The following CFAP77 variants were observed in gnomAD, a reference collection of about 807,000 sequenced individuals.
CFAP77 encodes cilia- and flagella-associated protein 77.
In CFAP77, 25 loss-of-function variants were observed where a neutral mutation model predicts 31.1. That is an observed-to-expected ratio of 0.80 (90% CI 0.59 to 1.12). CFAP77 has a LOEUF of 1.12. CFAP77 is among the 50% of genes most tolerant of loss of function. CFAP77 has a pLI of 0.00. For synonymous variants in CFAP77, 151 were observed against 159.9 expected, an observed-to-expected ratio of 0.94 and a Z score of 0.42; for missense variants, 377 against 397.3, an observed-to-expected ratio of 0.95 and a Z score of 0.44.
rs185619788 is a variant in CFAP77 at position 132,557,316 on chromosome 9, G to A, written c.732+14269G>A. On this transcript the variant is annotated intron_variant, in intron 5 of 5. Coordinates refer to ENST00000393216, the MANE Select transcript of CFAP77 (RefSeq NM_001282957.2). ...GGCAAGATGCAAGTCCAAGGTGATGGATGCTTCCACGGCTTCCCGGCCTCC... is the reference window on the plus strand; with the variant it reads ...GGCAAGATGCAAGTCCAAGGTGATGAATGCTTCCACGGCTTCCCGGCCTCC... 3.3e-5 allele frequency among the ~76,000 whole-genome samples: 5 copies of A among 152,312 alleles called. No individual in the cohort carries two copies. The East Asian group carries it at 7.7e-4, about 24-fold the overall frequency.
At chr9:132,434,515 A>G (rs1850469774) in intron 1 of CFAP77, among the ~76,000 whole-genome samples, 1 of 152,178 alleles carries the variant, frequency 6.6e-6, no homozygotes, top group Non-Finnish European at 1.5e-5. Flanking sequence ...ATCTAGATGT[A>G]TTTTCGATCC....
chr9:132,471,419 C>T (rs1284390347), intron 1 of CFAP77, among the ~76,000 whole-genome samples: 1 of 152,154 alleles, frequency 6.6e-6, no homozygotes, highest in Non-Finnish European at 1.5e-5. Flanking sequence ...TGGGGTCCAT[C>T]CACTTCTTCC....
At position 132,420,889 on chromosome 9, in the gene CFAP77, C is replaced by T. The variant is rs144134674; in HGVS notation, c.195+10423C>T. ...AAAATCAACAGCAAAGTGGTACAGA[C>T]GTGGCCACAGCCATCTGGATGGGAT... On this transcript the variant is annotated intron_variant, in intron 1 of 5. Transcript: ENST00000393216. 4.5e-3 allele frequency among the ~76,000 whole-genome samples: 689 copies of T among 152,022 alleles called. 8 individuals carry two copies. Among genetic ancestry groups the T allele is most frequent in the African/African-American group, 0.016 (659 of 41,468 alleles).
chr9:132,532,712 A>G (rs1852475003), intron 3 of CFAP77, among the ~76,000 whole-genome samples: 1 of 152,042 alleles, frequency 6.6e-6, no homozygotes, highest in Non-Finnish European at 1.5e-5. Flanking sequence ...GTCACAGGGT[A>G]AGTTCTGAGG....
chr9:132,461,438 A>G (rs752487290), intron 1 of CFAP77, among the ~76,000 whole-genome samples: 2 of 152,216 alleles, frequency 1.3e-5, no homozygotes, highest in Non-Finnish European at 2.9e-5. Context: ...CATCTGCTTC[A>G]GCGGCCTTCC....
intron 5 of CFAP77, among the ~76,000 whole-genome samples, chr9:132,557,914 G>C (rs565574616): frequency 2.0e-5 from 3 of 152,264 alleles, no homozygotes; most frequent in African/African-American, 7.2e-5. Flanking sequence ...GAGTTTATAA[G>C]CATCACTGAT....
In CFAP77 at chr9:132,481,010, G is replaced by C. The variant is rs186774217; in HGVS notation, c.196-17685G>C. ...ACAGCAGGCTGAGATCTGTTAGCTC[G>C]AAAGCACACTAGCACCAAACAAAAT... On this transcript the variant is annotated intron_variant, in intron 1 of 5. Coordinates refer to ENST00000393216, the MANE Select transcript of CFAP77 (RefSeq NM_001282957.2). The surrounding 1 kb of genome is among the most constrained non-coding windows in gnomAD (Gnocchi z 5.0). Among the ~76,000 whole-genome samples, 7 of 151,838 alleles carry C rather than the reference G, an allele frequency of 4.6e-5. No homozygotes were observed. The highest frequency in any genetic ancestry group is 8.8e-5 in the Non-Finnish European group (6 of 68,038).
intron 1 of CFAP77, among the ~76,000 whole-genome samples, chr9:132,478,088 C>T (rs1030727361): frequency 3.3e-5 from 5 of 152,108 alleles, no homozygotes; most frequent in Non-Finnish European, 5.9e-5. Flanking sequence ...TGTCCCCACC[C>T]AAATCTCATG....
chr9:132,560,823 T>G (rs1254542815), intron 5 of CFAP77, among the ~76,000 whole-genome samples: 1 of 151,956 alleles, frequency 6.6e-6, no homozygotes, highest in Admixed American at 6.6e-5. Flanking sequence ...TCACTGAGAG[T>G]GGTGCCGGTG....
At chr9:132,460,833 C>T (rs1328613998) in intron 1 of CFAP77, among the ~76,000 whole-genome samples, 1 of 152,164 alleles carries the variant, frequency 6.6e-6, no homozygotes, top group East Asian at 1.9e-4. Flanking sequence ...TCAAATGATC[C>T]TCCTGCCTCA....
chr9:132,558,442 T>C (rs1322175768), intron 5 of CFAP77, among the ~76,000 whole-genome samples: 2 of 152,178 alleles, frequency 1.3e-5, no homozygotes, highest in Non-Finnish European at 2.9e-5. Context: ...TGGTGGCTCA[T>C]GCCTGTAATC....
At chr9:132,502,288 G>A (rs920180457) in intron 3 of CFAP77, among the ~76,000 whole-genome samples, 20 of 148,934 alleles carry the variant, frequency 1.3e-4, no homozygotes, top group African/African-American at 5.0e-4. Context: ...GGGGGAGGGG[G>A]GTGGTAGTTC....
At chr9:132,430,407 T>C (rs1850393372) in intron 1 of CFAP77, among the ~76,000 whole-genome samples, 1 of 152,170 alleles carries the variant, frequency 6.6e-6, no homozygotes, top group South Asian at 2.1e-4. Context: ...GTAAGGAACA[T>C]TCCAAATCAT....
chr9:132,467,914 G>A (rs530465910), intron 1 of CFAP77, among the ~76,000 whole-genome samples: 2 of 152,060 alleles, frequency 1.3e-5, no homozygotes, highest in African/African-American at 2.4e-5. Flanking sequence ...CTTAACAGGT[G>A]TGAGATGGGG....
chr9:132,438,554 T>C (rs1031484833), intron 1 of CFAP77, among the ~76,000 whole-genome samples: 2 of 145,252 alleles, frequency 1.4e-5, no homozygotes, highest in Admixed American at 1.4e-4. Context: ...TTTTTTTTTT[T>C]TTTTAGACAG....
Position 132,554,257 on chromosome 9 carries a change from T to C in CFAP77, c.732+11210T>C, listed in dbSNP as rs1852862832. ...CCGTTTGGCTTCATGTGGCAGAAAT[T>C]GAGCAAGGGTTAGAATCTGTTTAAA... On this transcript the variant is annotated intron_variant, in intron 5 of 5. Coordinates refer to ENST00000393216, the MANE Select transcript of CFAP77 (RefSeq NM_001282957.2). This position sits in a 1 kb window ranked among gnomAD's most constrained non-coding sequence, Gnocchi z 4.1. Among the ~76,000 whole-genome samples, 1 of 152,202 alleles carries C rather than the reference T, an allele frequency of 6.6e-6. No homozygotes were observed. The highest frequency in any genetic ancestry group is 2.4e-5 in the African/African-American group (1 of 41,446).
intron 5 of CFAP77, among the ~76,000 whole-genome samples, chr9:132,562,032 G>A (rs1829821402): frequency 1.3e-5 from 2 of 152,198 alleles, no homozygotes; most frequent in African/African-American, 4.8e-5. Context: ...CATGAAGCTG[G>A]ATAAGCCCAA....
At chr9:132,414,005 A>G (rs1245313750) in intron 1 of CFAP77, among the ~76,000 whole-genome samples, 1 of 152,196 alleles carries the variant, frequency 6.6e-6, no homozygotes, top group Non-Finnish European at 1.5e-5. Flanking sequence ...CAGCGAGGGG[A>G]ACAGACTCAT....
chr9:132,521,088 G>A (rs938410026), intron 3 of CFAP77, among the ~76,000 whole-genome samples: 3 of 152,210 alleles, frequency 2.0e-5, no homozygotes, highest in African/African-American at 4.8e-5. Context: ...CCTCTCATTC[G>A]TCTTCAGGAA....
Sources: allele counts gnomAD v4.1 joint callset (sites outside exome capture counted in the v4.1 genomes callset), GRCh38; gene constraint gnomAD v4.1.1; non-coding constraint Gnocchi (gnomAD v3.1); transcripts MANE v1.5; gene names NCBI Gene and HGNC (gene_info 2026-07-23, HGNC 2026-07-21).